Variants in USP32 observed in about 807,000 individuals in gnomAD.
USP32 encodes the protein ubiquitin carboxyl-terminal hydrolase 32.
Under a neutral mutation model 204.8 loss-of-function variants are expected in USP32, and 59 were observed. That is an observed-to-expected ratio of 0.29 (90% CI 0.23 to 0.36). USP32 has a LOEUF of 0.36. Ranked by LOEUF, USP32 falls within the 10% of genes least tolerant of loss-of-function variation. The pLI is 1.00. For synonymous variants in USP32, 517 were observed against 678.4 expected (o/e 0.76, Z 3.70); for missense variants, 1,160 against 1,946.4 (o/e 0.60, Z 7.60).
intron 1 of USP32, among the ~76,000 whole-genome samples, chr17:60,355,687 A>G (rs956883131): frequency 6.6e-6 from 1 of 151,834 alleles, no homozygotes; most frequent in African/African-American, 2.4e-5. Flanking sequence ...CTCTACAAAA[A>G]CTACAAAAAT....
intron 1 of USP32, among the ~76,000 whole-genome samples, chr17:60,404,593 T>C (rs764972058): frequency 6.6e-6 from 1 of 152,150 alleles, no homozygotes; most frequent in Non-Finnish European, 1.5e-5. Context: ...TCAATTATCT[T>C]TGTATGACCT....
At chr17:60,373,888 T>A (rs919199884) in intron 1 of USP32, among the ~76,000 whole-genome samples, 2 of 152,220 alleles carry the variant, frequency 1.3e-5, no homozygotes, top group South Asian at 2.1e-4. Context: ...TTTTTACTAT[T>A]CATGTTTTAT....
At chr17:60,220,907 C>T (rs2085229778) in intron 15 of USP32, among the ~76,000 whole-genome samples, 1 of 152,088 alleles carries the variant, frequency 6.6e-6, no homozygotes, top group Non-Finnish European at 1.5e-5. Flanking sequence ...CTCAGCCTCC[C>T]AAAGTGCTGG....
At chr17:60,369,932 G>C (rs967706129) in intron 1 of USP32, among the ~76,000 whole-genome samples, 2 of 152,028 alleles carry the variant, frequency 1.3e-5, no homozygotes, top group South Asian at 4.1e-4. Context: ...TAGAGACAAG[G>C]TCTCACTATG....
Position 60,198,445 on chromosome 17 carries a change from C to T in USP32, c.3250-1G>A. ...ACAGGAAATACAGTTCTGTCCTCATCTGTATGTACAAACAAGAGAATAGAG... is the reference window on the plus strand; with the variant it reads ...ACAGGAAATACAGTTCTGTCCTCATTTGTATGTACAAACAAGAGAATAGAG... On this transcript the variant is annotated splice_acceptor_variant, in intron 26 of 33. Transcript: ENST00000300896. LOFTEE classifies it high-confidence loss of function. 1 of 1,613,824 alleles carries T rather than the reference C, an allele frequency of 6.2e-7. No individual in the cohort carries two copies. The highest frequency in any genetic ancestry group is 8.5e-7 in the Non-Finnish European group (1 of 1,179,890).
At chr17:60,232,196 G>A (rs538580249) in intron 12 of USP32, among the ~76,000 whole-genome samples, 46 of 109,646 alleles carry the variant, frequency 4.2e-4, no homozygotes, top group Non-Finnish European at 6.2e-4. Context: ...TTTTTGAGAT[G>A]GAGTCTCACT....
Position 60,179,061 on chromosome 17 carries a change from G to A in USP32, c.*194C>T, listed in dbSNP as rs1445755923. ...CTGAAAGTTCTCTATCGGAGAGCTTGTATGAGACTTCAAAATAAAATGATT... is the reference window on the plus strand; with the variant it reads ...CTGAAAGTTCTCTATCGGAGAGCTTATATGAGACTTCAAAATAAAATGATT... On this transcript the variant is annotated 3_prime_UTR_variant, in exon 34 of 34. Transcript: ENST00000300896. 3 of 661,436 alleles carry A rather than the reference G, an allele frequency of 4.5e-6. No individual in the cohort carries two copies. The African/African-American group carries it at 5.5e-5, about 12-fold the overall frequency. 41.0% of individuals were successfully genotyped at this position (661,436 alleles called of 1,614,324 possible).
chr17:60,269,235 T>C (rs1456878050), intron 7 of USP32, among the ~76,000 whole-genome samples: 1 of 152,250 alleles, frequency 6.6e-6, no homozygotes, highest in Admixed American at 6.5e-5. Flanking sequence ...ACTCCATTGT[T>C]AATAGCAAAT....
At chr17:60,371,618 C>G (rs1032399693) in intron 1 of USP32, among the ~76,000 whole-genome samples, 4 of 150,954 alleles carry the variant, frequency 2.6e-5, no homozygotes, top group African/African-American at 9.7e-5. Context: ...CCAACATGCA[C>G]ATATAAAGGG....
intron 1 of USP32, among the ~76,000 whole-genome samples, chr17:60,389,271 CA>C (rs1174640406): frequency 6.6e-6 from 1 of 152,182 alleles, no homozygotes; most frequent in Non-Finnish European, 1.5e-5. Flanking sequence ...GGGACAGCCG[CA>C]GTGGCTCACC....
At chr17:60,285,866 G>A (rs1265647235) in intron 5 of USP32, among the ~76,000 whole-genome samples, 1 of 152,142 alleles carries the variant, frequency 6.6e-6, no homozygotes, top group Admixed American at 6.5e-5. Context: ...CCCAGGCACA[G>A]TGGCTCACGC....
rs2089850573 is a variant in USP32, at chr17:60,392,112, A to G, written c.-173T>C. The G allele has an allele frequency of 1.5e-5, 9 of 581,008 alleles. No homozygotes were observed. The highest frequency in any genetic ancestry group is 4.2e-5 in the South Asian group (2 of 47,198). The allele number at this position is 581,008 out of a possible 1,614,324, so 36.0% of individuals were successfully genotyped here. ...CCGGCGGCTCCTCCCGGTCGCCGCC[A>G]CCGCCTCCATGCCGGATCACGTGAC... On this transcript the variant is annotated 5_prime_UTR_variant, in exon 1 of 34. Coordinates refer to ENST00000300896, the MANE Select transcript of USP32 (RefSeq NM_032582.4).
intron 4 of USP32, among the ~76,000 whole-genome samples, chr17:60,291,502 T>C (rs561941962): frequency 5.9e-5 from 9 of 152,086 alleles, no homozygotes; most frequent in African/African-American, 1.4e-4. Context: ...TAGGTCCTTA[T>C]ATTTTAGCTA....
chr17:60,393,834 G>C (rs553645438), upstream of USP32, among the ~76,000 whole-genome samples: 1 of 152,160 alleles, frequency 6.6e-6, no homozygotes, highest in African/African-American at 2.4e-5. Flanking sequence ...ACAGGCATGC[G>C]CCACCATGCC....
At chr17:60,252,286 A>T in intron 11 of USP32, 95 bp downstream of exon 11, 2 of 969,910 alleles carry the variant, frequency 2.1e-6, no homozygotes, top group Non-Finnish European at 3.1e-6. Flanking sequence ...AGAAATAGTT[A>T]ATGATTACAT....
At chr17:60,299,488 G>C (rs56336021) in intron 3 of USP32, among the ~76,000 whole-genome samples, 10,233 of 152,142 alleles carry the variant, frequency 0.067, 1,215 homozygotes, top group African/African-American at 0.23. Context: ...TATAAGGATG[G>C]CACTCCTGTG....
At chr17:60,296,087 A>G (rs2087421725) in intron 3 of USP32, among the ~76,000 whole-genome samples, 1 of 152,264 alleles carries the variant, frequency 6.6e-6, no homozygotes, top group Non-Finnish European at 1.5e-5. Context: ...ATGAAGGGAT[A>G]CAAAGAAAAC....
chr17:60,402,151 A>G (rs2089940425), intron 1 of USP32, among the ~76,000 whole-genome samples: 1 of 152,118 alleles, frequency 6.6e-6, no homozygotes, highest in Non-Finnish European at 1.5e-5. Context: ...GCACTAATAT[A>G]AGGATCTTTC....
chr17:60,400,125 T>C (rs61054752), intron 1 of USP32, among the ~76,000 whole-genome samples: 27,944 of 152,020 alleles, frequency 0.18, 6,036 homozygotes, highest in African/African-American at 0.52. Context: ...CCACCATGCC[T>C]GGCTAATTTT....
Sources: allele counts gnomAD v4.1 joint callset (sites outside exome capture counted in the v4.1 genomes callset), GRCh38; gene constraint gnomAD v4.1.1; transcripts MANE v1.5; gene names NCBI Gene and HGNC (gene_info 2026-07-23, HGNC 2026-07-21).